RASA2: variants seen among roughly 807,000 people sequenced by gnomAD.
RASA2 encodes the protein ras GTPase-activating protein 2.
A neutral mutation model predicts 118.2 loss-of-function variants in RASA2; 155 were observed. The observed-to-expected ratio is 1.31, with a 90% CI of 1.15 to 1.50. The LOEUF (loss-of-function observed/expected upper bound fraction) is 1.50, where lower values mean the gene tolerates loss of function less well. RASA2 is among the 40% of genes most tolerant of loss of function. The pLI, the probability that RASA2 is intolerant of heterozygous loss-of-function variation, is 0.00. For missense variants in RASA2, 1,016 were observed against 1,009.6 expected, an observed-to-expected ratio of 1.01 and a Z score of -0.09; for synonymous variants, 353 against 349.1, an observed-to-expected ratio of 1.01 and a Z score of -0.12.
intron 3 of RASA2, among the ~76,000 whole-genome samples, chr3:141,523,322 C>T (rs563646898): frequency 1.3e-5 from 2 of 152,168 alleles, no homozygotes; most frequent in Admixed American, 6.5e-5. Flanking sequence ...GACGAGGTTT[C>T]GCCATTTGGC....
Position 141,487,148 on chromosome 3 carries a change from C to T in RASA2, c.65C>T (p.Ala22Val), listed in dbSNP as rs2081586969. 5 of 1,461,096 alleles carry T rather than the reference C, an allele frequency of 3.4e-6. No homozygotes were observed. The highest frequency in any genetic ancestry group is 3.0e-5 in the East Asian group (1 of 33,540). The allele number at this position is 1,461,096 out of a possible 1,614,324, so 90.5% of individuals were successfully genotyped here. The stretch of plus-strand genomic sequence containing the variant: ...GAGGCGCCAGCGGCGAGTGCGACTG[C>T]AGAGCCCGAGGCCGGGGACCAGGAC... ...SSEAPAASAT[A>V]EPEAGDQDSR... is the part of the protein sequence containing the mutation. Residue 22 changes from alanine to valine, a missense_variant, in exon 1 of 24, where the codon GCA (alanine) becomes GTA (valine). Physicochemically the swap from Ala to Val is moderately conservative, Grantham distance 64. This residue lies in a region of RASA2 where 896 missense variants were observed against 836.4 expected (regional missense o/e 1.07). Transcript: ENST00000286364.
intron 5 of RASA2, among the ~76,000 whole-genome samples, chr3:141,544,073 G>A (rs190060854): frequency 4.9e-4 from 75 of 151,638 alleles, no homozygotes; most frequent in African/African-American, 1.6e-3. Flanking sequence ...ACAGGGTTTC[G>A]CCATATTGGC....
chr3:141,570,849 T>A, intron 9 of RASA2, 63 bp from the exon 10 acceptor site: 1 of 1,484,440 alleles, frequency 6.7e-7, no homozygotes, highest in East Asian at 2.3e-5. Context: ...ACTTAACTCT[T>A]AACTTGCCTC....
At chr3:141,584,772 T>A (rs532890090) in intron 17 of RASA2, among the ~76,000 whole-genome samples, 2 of 152,336 alleles carry the variant, frequency 1.3e-5, no homozygotes, top group African/African-American at 4.8e-5. Context: ...CATTTAGAAA[T>A]GTAATAGTTA....
At chr3:141,542,300 GCTGTCTTTCA>G (rs1259226410) in intron 5 of RASA2, among the ~76,000 whole-genome samples, 2 of 152,012 alleles carry the variant, frequency 1.3e-5, no homozygotes, top group Non-Finnish European at 2.9e-5. Flanking sequence ...TTTTGTGTCT[GCTGTCTTTCA>G]CTTAGCATAA....
intron 1 of RASA2, among the ~76,000 whole-genome samples, chr3:141,497,236 G>A (rs1285223053): frequency 5.3e-5 from 8 of 150,968 alleles, no homozygotes; most frequent in Admixed American, 5.3e-4. Flanking sequence ...ACGAATTAAT[G>A]GGTGCAGCAC....
At chr3:141,495,697 T>G (rs1418830304) in intron 1 of RASA2, among the ~76,000 whole-genome samples, 2 of 152,234 alleles carry the variant, frequency 1.3e-5, no homozygotes, top group Non-Finnish European at 2.9e-5. Context: ...CACCATGCAT[T>G]TTTACTTCTA....
In RASA2 at chr3:141,609,884, T is replaced by C. The variant is rs576697395; in HGVS notation, c.2337T>C (p.Cys779=). The change falls in exon 23 of 24, where the codon TGT becomes TGC. Residue 779 remains cysteine (C), a synonymous_variant. Transcript: ENST00000286364. ...LLKLQKMEEA[C]GTIAVYQGPQ... is the part of the protein sequence containing the mutation. ...TTTTCCTGCTCTTTGTAGAGGCTTG[T>C]GGAACTATTGCAGTCTATCAAGGAC... 9.6e-6 allele frequency: 15 copies of C among 1,565,894 alleles called. No individual in the cohort carries two copies. In the African/African-American group the frequency reaches 1.4e-4, roughly 14 times the overall value.
intron 7 of RASA2, 111 bp from the exon 8 acceptor site, chr3:141,558,775 A>T (rs1473901761): frequency 3.5e-6 from 3 of 861,756 alleles, no homozygotes; most frequent in African/African-American, 1.7e-5. Flanking sequence ...TTACTTGGAC[A>T]TTTTCCTCTG....
At chr3:141,487,735 C>T (rs1469701720) in intron 1 of RASA2, among the ~76,000 whole-genome samples, 1 of 151,936 alleles carries the variant, frequency 6.6e-6, no homozygotes, top group Non-Finnish European at 1.5e-5. Flanking sequence ...TTCCTGGGCT[C>T]GGCGAGCCTG....
chr3:141,580,085 A>AAAAAAAATAT (rs1553797703), intron 15 of RASA2, among the ~76,000 whole-genome samples: 2 of 59,596 alleles, frequency 3.4e-5, no homozygotes, highest in African/African-American at 6.8e-5. Flanking sequence ...AAAAAAAAAA[A>AAAAAAAATAT]ATATATATAT....
At chr3:141,604,325 T>C (rs1018284506) in intron 19 of RASA2, among the ~76,000 whole-genome samples, 6 of 152,232 alleles carry the variant, frequency 3.9e-5, no homozygotes, top group Non-Finnish European at 8.8e-5. Flanking sequence ...TATGGGTGTT[T>C]GCACTCTATC....
intron 1 of RASA2, among the ~76,000 whole-genome samples, chr3:141,510,441 G>A (rs1180160314): frequency 1.3e-5 from 2 of 152,136 alleles, no homozygotes; most frequent in African/African-American, 4.8e-5. Context: ...GCTGTCTACC[G>A]TATGACAGTC....
intron 19 of RASA2, among the ~76,000 whole-genome samples, chr3:141,606,587 A>G (rs1298579114): frequency 6.6e-6 from 1 of 152,204 alleles, no homozygotes; most frequent in Non-Finnish European, 1.5e-5. Flanking sequence ...GACATTCAGT[A>G]TATGATAGTT....
chr3:141,523,141 T>C (rs1337388713), intron 3 of RASA2, among the ~76,000 whole-genome samples: 3 of 152,182 alleles, frequency 2.0e-5, no homozygotes, highest in Non-Finnish European at 2.9e-5. Flanking sequence ...CATTTTTTTT[T>C]TTTTTGAGAC....
chr3:141,524,910 T>C (rs1004961235), intron 3 of RASA2, among the ~76,000 whole-genome samples: 14 of 152,036 alleles, frequency 9.2e-5, no homozygotes, highest in African/African-American at 3.4e-4. Context: ...TTTTATCTCC[T>C]CTTTTAGCCA....
At chr3:141,575,814 G>A (rs1292404626) in intron 14 of RASA2, among the ~76,000 whole-genome samples, 1 of 152,024 alleles carries the variant, frequency 6.6e-6, no homozygotes, top group Non-Finnish European at 1.5e-5. Context: ...TTGTTTTTGA[G>A]ACTGAGTTTC....
At chr3:141,541,742 A>G (rs1197764412) in intron 5 of RASA2, among the ~76,000 whole-genome samples, 2 of 151,358 alleles carry the variant, frequency 1.3e-5, no homozygotes, top group East Asian at 3.9e-4. Context: ...TGTCTCTTTA[A>G]TCTCCTTTAA....
At chr3:141,573,470 CT>C (rs1411832368) in intron 13 of RASA2, among the ~76,000 whole-genome samples, 1 of 152,138 alleles carries the variant, frequency 6.6e-6, no homozygotes, top group African/African-American at 2.4e-5. Context: ...TGAACTTAAG[CT>C]ATAGCTAGTT....
Sources: allele counts gnomAD v4.1 joint callset (sites outside exome capture counted in the v4.1 genomes callset), GRCh38; gene constraint gnomAD v4.1.1; regional missense constraint gnomAD v4.1.1; transcripts MANE v1.5; gene names NCBI Gene and HGNC (gene_info 2026-07-23, HGNC 2026-07-21).